The following CSMD3 variants were observed in gnomAD, a reference collection of about 807,000 sequenced individuals.
The protein encoded by CSMD3 is CUB and sushi domain-containing protein 3.
CSMD3 carries 177 observed loss-of-function variants against 435.2 expected under a neutral mutation model. The ratio of observed to expected loss-of-function variants is 0.41; its 90% CI spans 0.36 to 0.46. CSMD3 has a LOEUF of 0.46. Ranked by LOEUF, CSMD3 falls within the 20% of genes least tolerant of loss-of-function variation. The pLI is 0.34. For synonymous variants in CSMD3, 1,656 were observed against 1,520.5 expected, an observed-to-expected ratio of 1.09 and a Z score of -2.07; for missense variants, 4,265 against 4,504.6, an observed-to-expected ratio of 0.95 and a Z score of 1.52.
chr8:113,314,431 T>C, intron 2 of CSMD3, 140 bp downstream of exon 2: 9 of 655,836 alleles, frequency 1.4e-5, no homozygotes, highest in Non-Finnish European at 2.4e-5. Flanking sequence ...TGGGATGATA[T>C]ATTTTCAAAT....
intron 17 of CSMD3, 61 bp downstream of exon 17, chr8:112,666,216 G>C (rs2131706151): frequency 7.9e-7 from 1 of 1,269,438 alleles, no homozygotes; most frequent in Non-Finnish European, 1.1e-6. Flanking sequence ...ATGCAAAAGA[G>C]AATGTCAACT....
intron 6 of CSMD3, among the ~76,000 whole-genome samples, chr8:112,981,032 C>A (rs2085032080): frequency 6.6e-6 from 1 of 151,012 alleles, no homozygotes. Context: ...TTAAGTAAAT[C>A]CTGGAAAAGA....
At position 112,605,658 on chromosome 8, in the gene CSMD3, GAAA is replaced by G. The variant is rs56000297; in HGVS notation, c.3716-18426_3716-18424del. Among the ~76,000 whole-genome samples the G allele has an allele frequency of 2.7e-5, 4 of 149,706 alleles. No homozygotes were observed. The South Asian group carries it at 6.4e-4, about 24-fold the overall frequency. Reference sequence around the variant, plus strand: ...CAGAGGGTGGGAGTAGGGCAAGGATGAAAAAAAAAAACTACCTATTAGGTACTA... The same window carrying G: ...CAGAGGGTGGGAGTAGGGCAAGGATGAAAAAAAACTACCTATTAGGTACTA... On this transcript the variant is annotated intron_variant, in intron 22 of 70. Coordinates refer to ENST00000297405, the MANE Select transcript of CSMD3 (RefSeq NM_198123.2).
chr8:113,410,128 A>G (rs1457521454), intron 1 of CSMD3, among the ~76,000 whole-genome samples: 5 of 152,118 alleles, frequency 3.3e-5, no homozygotes, highest in African/African-American at 1.2e-4. Context: ...AGATATAAAC[A>G]CTCATACTTG....
At chr8:112,792,009 C>G (rs371348121) in intron 13 of CSMD3, among the ~76,000 whole-genome samples, 2 of 152,106 alleles carry the variant, frequency 1.3e-5, no homozygotes, top group African/African-American at 4.8e-5. Flanking sequence ...CCATCTGTAT[C>G]TCTTCTTTGT....
intron 2 of CSMD3, among the ~76,000 whole-genome samples, chr8:113,287,408 T>C (rs1336661258): frequency 2.0e-5 from 3 of 152,080 alleles, no homozygotes; most frequent in African/African-American, 7.2e-5. Flanking sequence ...AAATAAATCA[T>C]GCATATCCTA....
chr8:112,673,912 A>G (rs2075713935), intron 16 of CSMD3, among the ~76,000 whole-genome samples: 1 of 152,076 alleles, frequency 6.6e-6, no homozygotes, highest in South Asian at 2.1e-4. Flanking sequence ...AGAACATTCT[A>G]AAGTTGGTGA....
chr8:113,296,270 C>A (rs1386760939), intron 2 of CSMD3, among the ~76,000 whole-genome samples: 1 of 143,752 alleles, frequency 7.0e-6, no homozygotes, highest in African/African-American at 2.5e-5. Context: ...ATATTGTGCA[C>A]ATGTACCCTA....
chr8:112,554,028 GA>G (rs200413425), intron 25 of CSMD3, among the ~76,000 whole-genome samples: 1,667 of 151,482 alleles, frequency 0.011, 27 homozygotes, highest in African/African-American at 0.036. Context: ...TTCCTGGGGG[GA>G]AAAAAAAGAA....
intron 59 of CSMD3, among the ~76,000 whole-genome samples, chr8:112,269,771 T>C (rs1817297232): frequency 6.6e-6 from 1 of 152,332 alleles, no homozygotes; most frequent in Non-Finnish European, 1.5e-5. Context: ...CTTCACTACA[T>C]TTTAAATCAA....
chr8:113,118,595 G>A (rs546848293), intron 4 of CSMD3, among the ~76,000 whole-genome samples: 98 of 147,468 alleles, frequency 6.6e-4, no homozygotes, highest in Admixed American at 2.4e-3. Flanking sequence ...CCAGTAGGTC[G>A]AGGTTGCAGT....
At chr8:112,415,758 G>A (rs769730786) in intron 32 of CSMD3, among the ~76,000 whole-genome samples, 4 of 152,212 alleles carry the variant, frequency 2.6e-5, no homozygotes, top group African/African-American at 4.8e-5. Flanking sequence ...GCGTGACCTG[G>A]ATGTGAGACA....
intron 22 of CSMD3, among the ~76,000 whole-genome samples, chr8:112,635,586 C>A (rs543325641): frequency 1.0e-3 from 156 of 152,140 alleles, no homozygotes; most frequent in African/African-American, 3.6e-3. Context: ...CACCTCCCAA[C>A]TTCAAGCCTC....
At chr8:112,819,151 G>A (rs1344850605) in intron 12 of CSMD3, among the ~76,000 whole-genome samples, 7 of 152,134 alleles carry the variant, frequency 4.6e-5, no homozygotes, top group Non-Finnish European at 1.0e-4. Flanking sequence ...TGCAATGAAA[G>A]GCTGTTTGCA....
chr8:112,225,913 G>A (rs1158047846), intron 70 of CSMD3, among the ~76,000 whole-genome samples: 6 of 151,948 alleles, frequency 3.9e-5, no homozygotes, highest in Non-Finnish European at 8.8e-5. Flanking sequence ...TCTTTCCCAC[G>A]AAGCATGTAT....
At chr8:112,995,213 T>A (rs546758431) in intron 6 of CSMD3, among the ~76,000 whole-genome samples, 7 of 151,468 alleles carry the variant, frequency 4.6e-5, no homozygotes, top group African/African-American at 1.7e-4. Context: ...GAAAAAAATA[T>A]GAAGATTGCA....
intron 13 of CSMD3, among the ~76,000 whole-genome samples, chr8:112,725,905 C>G (rs746362790): frequency 1.3e-5 from 2 of 151,922 alleles, no homozygotes; most frequent in Non-Finnish European, 2.9e-5. Context: ...AGTCCATTTT[C>G]ATACTGCTAT....
intron 41 of CSMD3, among the ~76,000 whole-genome samples, chr8:112,342,130 A>T (rs748708075): frequency 6.6e-6 from 1 of 152,174 alleles, no homozygotes; most frequent in Non-Finnish European, 1.5e-5. Flanking sequence ...TTGCATTAGA[A>T]GTTATTCATT....
chr8:112,658,406 CA>C (rs745814928), intron 17 of CSMD3, among the ~76,000 whole-genome samples: 30 of 152,020 alleles, frequency 2.0e-4, no homozygotes, highest in Non-Finnish European at 2.4e-4. Flanking sequence ...TATATCGTAT[CA>C]GTCTCTGATA....
Sources: gnomAD v4.1 joint callset for allele counts (sites outside exome capture counted in the v4.1 genomes callset) on GRCh38, gnomAD v4.1.1 for gene constraint, MANE v1.5 for transcripts, NCBI Gene and HGNC (gene_info 2026-07-23, HGNC 2026-07-21) for gene names.